Variants in RFTN2 observed in about 807,000 individuals in gnomAD.
RFTN2 encodes the protein raftlin family member 2.
In RFTN2, 34 loss-of-function variants were observed where a neutral mutation model predicts 52.7. The observed-to-expected ratio is 0.64, with a 90% confidence interval of 0.49 to 0.86. RFTN2 has a LOEUF of 0.86. Ranked by LOEUF, RFTN2 falls within the 40% of genes least tolerant of loss-of-function variation. The pLI is 0.00. For missense variants in RFTN2, 536 were observed against 600.1 expected, an observed-to-expected ratio of 0.89 and a Z score of 1.12; for synonymous variants, 203 against 217.7, an observed-to-expected ratio of 0.93 and a Z score of 0.59.
intron 3 of RFTN2, among the ~76,000 whole-genome samples, chr2:197,640,413 C>G (rs904425596): frequency 6.6e-6 from 1 of 152,258 alleles, no homozygotes; most frequent in African/African-American, 2.4e-5. Context: ...ACCCTCCGAG[C>G]CAGGTGCCGG....
chr2:197,585,842 C>T (rs769680321), intron 8 of RFTN2, among the ~76,000 whole-genome samples: 7 of 152,128 alleles, frequency 4.6e-5, no homozygotes, highest in African/African-American at 9.7e-5. Flanking sequence ...AGCAAGCTGC[C>T]GCCCTCCTCC....
At chr2:197,609,434 T>C (rs1176799785) in intron 7 of RFTN2, among the ~76,000 whole-genome samples, 4 of 152,260 alleles carry the variant, frequency 2.6e-5, no homozygotes, top group Admixed American at 2.6e-4. Context: ...ATGTCTTCTT[T>C]TGAGAAGTGT....
intron 1 of RFTN2, among the ~76,000 whole-genome samples, chr2:197,668,666 C>A (rs1308921602): frequency 1.3e-5 from 2 of 152,190 alleles, no homozygotes; most frequent in African/African-American, 4.8e-5. Context: ...GTCTGCATTT[C>A]TCTTGTGGCT....
intron 7 of RFTN2, among the ~76,000 whole-genome samples, chr2:197,604,921 C>T (rs201710471): frequency 1.3e-3 from 202 of 152,056 alleles, no homozygotes; most frequent in East Asian, 3.7e-3. Flanking sequence ...ACACCATGCC[C>T]GGCTAATTTT....
chr2:197,573,174 G>C (rs778744297), intron 8 of RFTN2, among the ~76,000 whole-genome samples: 1 of 152,118 alleles, frequency 6.6e-6, no homozygotes, highest in Non-Finnish European at 1.5e-5. Flanking sequence ...GCATGCAGAG[G>C]TTGGAACAGT....
At position 197,624,597 on chromosome 2, in the gene RFTN2, CAAAAAAAAAA is replaced by C. The variant is rs746144794; in HGVS notation, c.928+6404_928+6413del. Among the ~76,000 whole-genome samples, 4 of 57,952 alleles carry C rather than the reference CAAAAAAAAAA, an allele frequency of 6.9e-5. No homozygotes were observed. The East Asian group carries it at 2.2e-3, about 32-fold the overall frequency. 38.0% of individuals were successfully genotyped at this position (57,952 alleles called of 152,430 possible). A position where few individuals can be genotyped will look rare whatever the true frequency, so the allele number is the denominator to read the frequency against. ...TGGGCGACAGAGCGAGACTCTGTCT[CAAAAAAAAAA>C]AAAAAAAAAAAAAAGAAAGAGCCAA... On this transcript the variant is annotated intron_variant, in intron 5 of 8. Coordinates refer to ENST00000295049, the MANE Select transcript of RFTN2 (RefSeq NM_144629.3).
intron 3 of RFTN2, among the ~76,000 whole-genome samples, chr2:197,641,009 T>A (rs1158004235): frequency 6.6e-6 from 1 of 152,214 alleles, no homozygotes; most frequent in African/African-American, 2.4e-5. Context: ...CTTGTTAAAT[T>A]AGTTAAATGA....
At chr2:197,675,169 T>G (rs926200582) in intron 1 of RFTN2, 151 bp downstream of exon 1, 2 of 557,554 alleles carry the variant, frequency 3.6e-6, no homozygotes, top group African/African-American at 1.9e-5. Flanking sequence ...ACAAAAATCT[T>G]ACAAAGTATA....
intron 3 of RFTN2, among the ~76,000 whole-genome samples, chr2:197,640,806 C>T (rs895908670): frequency 2.0e-5 from 3 of 152,182 alleles, no homozygotes; most frequent in African/African-American, 7.2e-5. Flanking sequence ...ATTGACATAT[C>T]GGTAAGAGTT....
intron 8 of RFTN2, among the ~76,000 whole-genome samples, chr2:197,581,224 G>A (rs537022375): frequency 5.3e-5 from 8 of 152,196 alleles, no homozygotes; most frequent in South Asian, 2.1e-4. Flanking sequence ...TCCCAAAACC[G>A]GACAAGTCTT....
intron 1 of RFTN2, among the ~76,000 whole-genome samples, chr2:197,650,410 T>C (rs2088810425): frequency 6.6e-6 from 1 of 152,204 alleles, no homozygotes; most frequent in Non-Finnish European, 1.5e-5. Context: ...TAGATTGTGG[T>C]TGATAACTTT....
At chr2:197,600,708 G>C (rs2087865959) in intron 7 of RFTN2, among the ~76,000 whole-genome samples, 1 of 152,170 alleles carries the variant, frequency 6.6e-6, no homozygotes, top group African/African-American at 2.4e-5. Context: ...GGTTTCAGAG[G>C]ACAGAGCCCA....
In RFTN2 at chr2:197,617,188, A is replaced by G. The variant is rs115070800; in HGVS notation, c.1050+612T>C. Among the ~76,000 whole-genome samples, 1,437 of 152,336 alleles carry G rather than the reference A, an allele frequency of 9.4e-3. 15 individuals are homozygous for G. The highest frequency in any genetic ancestry group is 0.016 in the Non-Finnish European group (1,083 of 68,036). ...GAGATAAAACACTAGTTGAGTGACC[A>G]AATTTTTTTCTTTCAATCAGTTGTC... On this transcript the variant is annotated intron_variant, in intron 6 of 8. Transcript: ENST00000295049.
intron 7 of RFTN2, among the ~76,000 whole-genome samples, chr2:197,604,800 G>T (rs932703053): frequency 9.2e-5 from 14 of 152,190 alleles, no homozygotes; most frequent in Non-Finnish European, 1.5e-4. Flanking sequence ...TCACTCTGTT[G>T]CCCAGGCTGG....
chr2:197,656,873 G>A (rs920875594), intron 1 of RFTN2, among the ~76,000 whole-genome samples: 4 of 152,060 alleles, frequency 2.6e-5, no homozygotes, highest in Non-Finnish European at 5.9e-5. Context: ...ACAGGTACTA[G>A]GCTGATAAAA....
intron 1 of RFTN2, among the ~76,000 whole-genome samples, chr2:197,650,141 A>C (rs2088805669): frequency 6.6e-6 from 1 of 152,002 alleles, no homozygotes; most frequent in Admixed American, 6.6e-5. Flanking sequence ...TGTAGGAAAA[A>C]CAAAAATTTG....
chr2:197,574,342 C>CT (rs2087377043), intron 8 of RFTN2, among the ~76,000 whole-genome samples: 1 of 152,172 alleles, frequency 6.6e-6, no homozygotes, highest in African/African-American at 2.4e-5. Flanking sequence ...AATTTTAGAG[C>CT]TTTAAGATTT....
intron 7 of RFTN2, among the ~76,000 whole-genome samples, chr2:197,605,489 A>G (rs2087947162): frequency 6.6e-6 from 1 of 152,160 alleles, no homozygotes; most frequent in Non-Finnish European, 1.5e-5. Flanking sequence ...TGCTGAGATT[A>G]CAGGCGTGAG....
chr2:197,610,190 T>C (rs1222428199), intron 7 of RFTN2, among the ~76,000 whole-genome samples: 1 of 152,234 alleles, frequency 6.6e-6, no homozygotes, highest in Admixed American at 6.5e-5. Flanking sequence ...GCATCGAATC[T>C]GTAAATTACC....
Sources: gnomAD v4.1 joint callset for allele counts (sites outside exome capture counted in the v4.1 genomes callset) on GRCh38, gnomAD v4.1.1 for gene constraint, MANE v1.5 for transcripts, NCBI Gene and HGNC (gene_info 2026-07-23, HGNC 2026-07-21) for gene names.